The following TENM2 variants were observed in gnomAD, a reference collection of about 807,000 sequenced individuals.
TENM2 encodes teneurin-2.
In TENM2, 52 loss-of-function variants were observed where a neutral mutation model predicts 245.2. The ratio of observed to expected loss-of-function variants is 0.21; its 90% CI spans 0.17 to 0.27. The LOEUF is 0.27. Ranked by LOEUF, TENM2 falls within the 10% of genes least tolerant of loss-of-function variation. TENM2 has a pLI of 1.00. For missense variants in TENM2, 3,046 were observed against 3,666.8 expected (o/e 0.83, Z 4.37); for synonymous variants, 1,363 against 1,438.9 (o/e 0.95, Z 1.19).
chr5:167,341,725 CA>C (rs1321285302), intron 1 of TENM2, among the ~76,000 whole-genome samples: 1 of 151,632 alleles, frequency 6.6e-6, no homozygotes, highest in African/African-American at 2.4e-5. Context: ...ATATATTTAA[CA>C]AATCGTAATC....
intron 2 of TENM2, among the ~76,000 whole-genome samples, chr5:167,532,615 C>T (rs986807778): frequency 1.4e-4 from 21 of 151,784 alleles, no homozygotes; most frequent in Admixed American, 1.2e-3. Flanking sequence ...TACCTCCTAC[C>T]AAGTTCTTCC....
intron 1 of TENM2, among the ~76,000 whole-genome samples, chr5:167,321,895 C>T: frequency 7.0e-6 from 1 of 143,056 alleles, no homozygotes; most frequent in Admixed American, 7.4e-5. Flanking sequence ...GGTTGCAGAT[C>T]TCGGCTCACT....
rs2152094644 is a variant in TENM2, at chr5:168,061,942, G to A, written c.1310-118G>A. 1.9e-5 allele frequency: 18 copies of A among 941,284 alleles called. No homozygotes were observed. The South Asian group carries it at 3.1e-4, about 16-fold the overall frequency. 58.3% of individuals were successfully genotyped at this position (941,284 alleles called of 1,614,324 possible). A position where few individuals can be genotyped will look rare whatever the true frequency, so the allele number is the denominator to read the frequency against. On this transcript the variant is annotated intron_variant, in intron 6 of 28. Transcript: ENST00000518659. ...TAACTTAAAAAGAAACTTGCCATGA[G>A]TTTAATCTTAATATTAAAACAACAA...
chr5:168,078,256 C>A (rs1431235120), intron 7 of TENM2, among the ~76,000 whole-genome samples: 2 of 152,100 alleles, frequency 1.3e-5, no homozygotes, highest in Admixed American at 6.6e-5. Context: ...ATATCCTTTG[C>A]CCACTTTTTG....
the TENM2 span, among the ~76,000 whole-genome samples, chr5:167,057,443 G>A: frequency 6.6e-6 from 1 of 152,092 alleles, no homozygotes; most frequent in East Asian, 1.9e-4. Context: ...AAAAACACCT[G>A]TGGTAAATAA....
chr5:167,524,648 G>A (rs1770983801), intron 2 of TENM2, among the ~76,000 whole-genome samples: 5 of 151,798 alleles, frequency 3.3e-5, no homozygotes, highest in Admixed American at 3.3e-4. Context: ...AGATTAACTG[G>A]CTGCATGTCA....
At chr5:167,919,126 C>A (rs958422076) in intron 3 of TENM2, among the ~76,000 whole-genome samples, 5 of 152,148 alleles carry the variant, frequency 3.3e-5, no homozygotes, top group Admixed American at 6.5e-5. Context: ...CCTTTATCAT[C>A]CCAAATTGAC....
At chr5:167,223,182 C>T in the TENM2 span, among the ~76,000 whole-genome samples, 1 of 152,074 alleles carries the variant, frequency 6.6e-6, no homozygotes, top group East Asian at 1.9e-4. Context: ...TTGTTGGGTA[C>T]ATTTCCGGTA....
At chr5:167,369,784 C>A (rs1310422994) in intron 1 of TENM2, among the ~76,000 whole-genome samples, 1 of 152,176 alleles carries the variant, frequency 6.6e-6, no homozygotes. Context: ...TAGCTTTTAT[C>A]TTCTTGCCCT....
intron 13 of TENM2, among the ~76,000 whole-genome samples, chr5:168,177,776 G>A (rs1328609091): frequency 6.6e-6 from 1 of 152,222 alleles, no homozygotes; most frequent in Admixed American, 6.5e-5. Flanking sequence ...ATTTGAGGCT[G>A]CAGTGAGCCA....
At chr5:167,935,431 ACAC>A (rs1397002323) in intron 3 of TENM2, among the ~76,000 whole-genome samples, 6 of 152,296 alleles carry the variant, frequency 3.9e-5, no homozygotes, top group African/African-American at 1.4e-4. Context: ...TATGTTAATT[ACAC>A]CACACCTGTT....
chr5:167,295,159 G>T (rs1048922866), intron 1 of TENM2, among the ~76,000 whole-genome samples: 57 of 152,154 alleles, frequency 3.7e-4, no homozygotes, highest in African/African-American at 1.3e-3. Flanking sequence ...CTTGTTTCCT[G>T]TTCTAATGAG....
intron 2 of TENM2, among the ~76,000 whole-genome samples, chr5:167,548,159 A>G (rs1048908761): frequency 7.9e-5 from 12 of 152,216 alleles, no homozygotes; most frequent in Admixed American, 5.9e-4. Context: ...GTTTAATACC[A>G]TAAAGGACTT....
intron 2 of TENM2, among the ~76,000 whole-genome samples, chr5:167,583,632 T>C (rs909933846): frequency 5.3e-5 from 8 of 152,144 alleles, no homozygotes; most frequent in Admixed American, 2.6e-4. Context: ...CAGTAGATAT[T>C]CCATAAAAAT....
chr5:168,051,815 C>A (rs921158451), intron 6 of TENM2, among the ~76,000 whole-genome samples: 3 of 152,176 alleles, frequency 2.0e-5, no homozygotes, highest in Admixed American at 1.3e-4. Flanking sequence ...AATGAGATGA[C>A]CCTTGTAAAA....
intron 2 of TENM2, among the ~76,000 whole-genome samples, chr5:167,640,663 C>T (rs539864901): frequency 6.7e-6 from 1 of 149,588 alleles, no homozygotes; most frequent in Admixed American, 6.7e-5. Flanking sequence ...AAATATATAC[C>T]TTGCAATGAT....
At chr5:167,107,091 C>CAAAAAAAAAAA in the TENM2 span, among the ~76,000 whole-genome samples, 1 of 68,890 alleles carries the variant, frequency 1.5e-5, no homozygotes, top group Admixed American at 1.4e-4. Context: ...CTAAAAAATA[C>CAAAAAAAAAAA]AAAAAAAAAA....
the TENM2 span, among the ~76,000 whole-genome samples, chr5:167,238,267 TA>T: frequency 6.6e-6 from 1 of 151,348 alleles, no homozygotes; most frequent in East Asian, 1.9e-4. Flanking sequence ...CATTAGGCTA[TA>T]ATGTGATTGA....
At chr5:168,083,473 A>G (rs1171079294) in intron 7 of TENM2, among the ~76,000 whole-genome samples, 1 of 152,130 alleles carries the variant, frequency 6.6e-6, no homozygotes, top group Non-Finnish European at 1.5e-5. Flanking sequence ...AGCCCCAGTG[A>G]GATGAACCCG....
Sources: allele counts gnomAD v4.1 joint callset (sites outside exome capture counted in the v4.1 genomes callset), GRCh38; gene constraint gnomAD v4.1.1; transcripts MANE v1.5; gene names NCBI Gene and HGNC (gene_info 2026-07-23, HGNC 2026-07-21).